Variants in SYT14 observed in about 807,000 individuals in gnomAD.
SYT14 encodes the protein synaptotagmin 14, also known as synaptotagmin-14.
Under a neutral mutation model 74.2 loss-of-function variants are expected in SYT14, and 32 were observed. The ratio of observed to expected loss-of-function variants is 0.43; its 90% CI spans 0.33 to 0.58. The LOEUF is 0.58. SYT14 is among the 20% of genes least tolerant of loss of function. The pLI is 0.05. For synonymous variants in SYT14, 298 were observed against 337.7 expected (o/e 0.88, Z 1.29); for missense variants, 791 against 981.8 (o/e 0.81, Z 2.60).
chr1:209,965,475 T>G (rs982452363), intron 2 of SYT14, among the ~76,000 whole-genome samples: 52 of 152,208 alleles, frequency 3.4e-4, no homozygotes, highest in African/African-American at 1.3e-3. Context: ...GGGCACCTAG[T>G]TGATGCCATG....
chr1:210,092,291 C>T (rs2081883170), intron 5 of SYT14, among the ~76,000 whole-genome samples: 1 of 152,122 alleles, frequency 6.6e-6, no homozygotes, highest in Non-Finnish European at 1.5e-5. Context: ...CATTCTCATA[C>T]TTGTCACTGT....
intron 7 of SYT14, among the ~76,000 whole-genome samples, chr1:210,127,095 G>A (rs2082584240): frequency 6.6e-6 from 1 of 152,168 alleles, no homozygotes; most frequent in South Asian, 2.1e-4. Context: ...TGAATGTATT[G>A]TGGTCCCATA....
chr1:210,002,406 C>G (rs1303808004), intron 2 of SYT14, among the ~76,000 whole-genome samples: 1 of 152,096 alleles, frequency 6.6e-6, no homozygotes, highest in East Asian at 1.9e-4. Flanking sequence ...ATATTGGAAT[C>G]TTGTCCCTTC....
At chr1:210,162,588 T>C (rs1344251885) in exon 10 of SYT14, 1 of 362,712 alleles carries the variant, frequency 2.8e-6, no homozygotes, top group Non-Finnish European at 5.3e-6. Flanking sequence ...AAAAACATAC[T>C]ATTTACCAGT....
intron 5 of SYT14, among the ~76,000 whole-genome samples, chr1:210,093,002 C>T (rs891502981): frequency 9.2e-5 from 14 of 151,962 alleles, no homozygotes; most frequent in African/African-American, 3.4e-4. Context: ...AGCATTTTTG[C>T]ATTTTGGTAT....
chr1:210,033,128 C>T (rs1199321038), intron 5 of SYT14, among the ~76,000 whole-genome samples: 4 of 151,816 alleles, frequency 2.6e-5, no homozygotes, highest in Non-Finnish European at 5.9e-5. Flanking sequence ...TGTCTGTCCT[C>T]TCTTGAGGCA....
intron 5 of SYT14, among the ~76,000 whole-genome samples, chr1:210,051,000 G>C (rs527906229): frequency 6.6e-6 from 1 of 152,156 alleles, no homozygotes; most frequent in African/African-American, 2.4e-5. Flanking sequence ...AGGTGTGCTT[G>C]TTACTGCTGG....
intron 1 of SYT14, among the ~76,000 whole-genome samples, chr1:209,947,511 T>C (rs1316617187): frequency 6.6e-6 from 1 of 152,162 alleles, no homozygotes; most frequent in Non-Finnish European, 1.5e-5. Context: ...AGAACTAGAA[T>C]TAGAAGTGGA....
At chr1:210,005,215 A>G (rs2079968427) in intron 2 of SYT14, among the ~76,000 whole-genome samples, 1 of 152,002 alleles carries the variant, frequency 6.6e-6, no homozygotes, top group African/African-American at 2.4e-5. Context: ...GAGTGAGCAA[A>G]CAATGTTTTG....
chr1:210,096,383 G>T (rs757832416), intron 6 of SYT14, among the ~76,000 whole-genome samples: 3 of 152,138 alleles, frequency 2.0e-5, no homozygotes, highest in Non-Finnish European at 2.9e-5. Flanking sequence ...GTGTGTGTGT[G>T]AGAGAGAGAG....
chr1:209,963,072 C>T lies in SYT14; in HGVS notation c.-486+10316C>T, dbSNP rs113720929. On this transcript the variant is annotated intron_variant, in intron 2 of 9. Coordinates refer to ENST00000637265, the Ensembl canonical transcript of SYT14. ...CTTAATAAATCACATTGAAATGGAA[C>T]AGAAGTTCATTTATTGCTACCGGAA... is the stretch of plus-strand genomic sequence containing the variant. 2.7e-3 allele frequency among the ~76,000 whole-genome samples: 415 copies of T among 152,172 alleles called. 1 individual carries two copies. Among genetic ancestry groups the T allele is most frequent in the Non-Finnish European group, 4.6e-3 (313 of 67,982 alleles).
At chr1:210,065,892 A>T in intron 5 of SYT14, among the ~76,000 whole-genome samples, 1 of 149,070 alleles carries the variant, frequency 6.7e-6, no homozygotes, top group African/African-American at 2.5e-5. Flanking sequence ...CCACCCCACA[A>T]CAGTCCCCGG....
At position 210,121,638 on chromosome 1, in the gene SYT14, C is replaced by CA. The variant is rs771295443; in HGVS notation, c.2034+21183dup. On this transcript the variant is annotated intron_variant, in intron 7 of 9. Coordinates refer to ENST00000637265, the Ensembl canonical transcript of SYT14. ...TGAAACTCTGTCTCTACTAAAAATA[C>CA]AAAAAATTAGCCAGGCGTGGTGGCG... Among the ~76,000 whole-genome samples, 384 of 151,778 alleles carry CA rather than the reference C, an allele frequency of 2.5e-3. 1 individual carries two copies. Among genetic ancestry groups the CA allele is most frequent in the African/African-American group, 6.8e-3 (282 of 41,402 alleles).
At chr1:210,103,611 CAA>C (rs2082110573) in intron 7 of SYT14, among the ~76,000 whole-genome samples, 1 of 149,484 alleles carries the variant, frequency 6.7e-6, no homozygotes, top group Non-Finnish European at 1.5e-5. Flanking sequence ...CCTTCTTGAT[CAA>C]TGCATGATAG....
intron 5 of SYT14, among the ~76,000 whole-genome samples, chr1:210,030,774 T>C (rs2080514154): frequency 6.6e-6 from 1 of 152,184 alleles, no homozygotes; most frequent in Non-Finnish European, 1.5e-5. Context: ...CATGTCTGTG[T>C]GTGGCTGTTG....
intron 1 of SYT14, among the ~76,000 whole-genome samples, chr1:209,951,531 C>T (rs1479058201): frequency 6.6e-6 from 1 of 152,104 alleles, no homozygotes; most frequent in Admixed American, 6.6e-5. Flanking sequence ...TATCCATTTC[C>T]ACCATGTGCC....
At chr1:209,943,321 A>G (rs1295288899) in intron 1 of SYT14, among the ~76,000 whole-genome samples, 1 of 152,078 alleles carries the variant, frequency 6.6e-6, no homozygotes, top group Non-Finnish European at 1.5e-5. Flanking sequence ...CCTGGCCAAC[A>G]TGGTGAAACC....
rs574064697 is a variant in SYT14 at position 210,147,170 on chromosome 1, C to CA, written c.2035-8542dup. 3.2e-3 allele frequency among the ~76,000 whole-genome samples: 457 copies of CA among 145,064 alleles called. 3 individuals carry two copies. Among genetic ancestry groups the CA allele is most frequent in the East Asian group, 5.7e-3 (28 of 4,930 alleles). On this transcript the variant is annotated intron_variant, in intron 7 of 9. Coordinates refer to ENST00000637265, the Ensembl canonical transcript of SYT14. Reference sequence around the variant, plus strand: ...GAAATAAAAGAAGTAATAGAAACTACAAAAAAAAAGAATAAGACAATGTGG... The same window carrying CA: ...GAAATAAAAGAAGTAATAGAAACTACAAAAAAAAAAGAATAAGACAATGTGG...
At chr1:210,164,001 G>A (rs530537859) in exon 10 of SYT14, 7 of 452,970 alleles carry the variant, frequency 1.5e-5, no homozygotes, top group Middle Eastern at 6.9e-4. Context: ...CAATCGACTG[G>A]CATTTATGGG....
Sources: gnomAD v4.1 joint callset for allele counts (sites outside exome capture counted in the v4.1 genomes callset) on GRCh38, gnomAD v4.1.1 for gene constraint, MANE v1.5 for transcripts, NCBI Gene and HGNC (gene_info 2026-07-23, HGNC 2026-07-21) for gene names.